Variants in RSRC1 observed in about 807,000 individuals in gnomAD.
RSRC1 encodes the protein serine/Arginine-related protein 53.
In RSRC1, 39 loss-of-function variants were observed where a neutral mutation model predicts 49.1. The ratio of observed to expected loss-of-function variants is 0.79; its 90% CI spans 0.61 to 1.04. The LOEUF is 1.04. Among genes scored for constraint, RSRC1 ranks in the 50% least tolerant of loss-of-function variants. The probability of loss-of-function intolerance (pLI) is 0.00; values close to 1 mark genes in which losing one functional copy is unlikely to be tolerated. For synonymous variants in RSRC1, 143 were observed against 130.8 expected, an observed-to-expected ratio of 1.09 and a Z score of -0.63; for missense variants, 388 against 402.4, an observed-to-expected ratio of 0.96 and a Z score of 0.31.
chr3:158,476,459 CAG>C (rs1738372507), intron 7 of RSRC1, among the ~76,000 whole-genome samples: 1 of 152,102 alleles, frequency 6.6e-6, no homozygotes, highest in African/African-American at 2.4e-5. Flanking sequence ...TGACTCTTGT[CAG>C]GGGCTAATGC....
intron 7 of RSRC1, among the ~76,000 whole-genome samples, chr3:158,516,352 G>A (rs370171209): frequency 1.3e-5 from 2 of 149,764 alleles, no homozygotes; most frequent in African/African-American, 4.9e-5. Context: ...TGGAGTACCC[G>A]GCCGTGTGAG....
intron 5 of RSRC1, among the ~76,000 whole-genome samples, chr3:158,314,482 A>G (rs1983469): frequency 0.44 from 66,734 of 151,618 alleles, 15,025 homozygotes; most frequent in East Asian, 0.64. Flanking sequence ...AAAATATGCT[A>G]AACAGTTAAA....
intron 5 of RSRC1, among the ~76,000 whole-genome samples, chr3:158,318,188 G>C (rs1389770361): frequency 1.3e-5 from 2 of 152,052 alleles, no homozygotes; most frequent in African/African-American, 2.4e-5. Flanking sequence ...AGCATATCCA[G>C]GGGCTCCCAG....
At chr3:158,362,574 A>G (rs1731537765) in intron 6 of RSRC1, among the ~76,000 whole-genome samples, 1 of 152,230 alleles carries the variant, frequency 6.6e-6, no homozygotes. Flanking sequence ...TAGCTTCAAA[A>G]GCAGAAGATA....
intron 6 of RSRC1, among the ~76,000 whole-genome samples, chr3:158,362,974 GAA>G (rs1335422500): frequency 6.6e-6 from 1 of 152,084 alleles, no homozygotes; most frequent in Non-Finnish European, 1.5e-5. Flanking sequence ...AATGTTATAA[GAA>G]AAGATAGAAA....
intron 4 of RSRC1, among the ~76,000 whole-genome samples, chr3:158,239,872 G>T (rs1005949720): frequency 6.6e-6 from 1 of 152,110 alleles, no homozygotes; most frequent in Non-Finnish European, 1.5e-5. Flanking sequence ...AAGAATAATA[G>T]AAATTTTTAG....
At chr3:158,179,700 A>G (rs1234816649) in intron 3 of RSRC1, among the ~76,000 whole-genome samples, 1 of 152,150 alleles carries the variant, frequency 6.6e-6, no homozygotes, top group Admixed American at 6.5e-5. Flanking sequence ...ATGATAATGC[A>G]TGTATAGGTT....
chr3:158,498,653 G>A (rs1259939073), intron 7 of RSRC1, among the ~76,000 whole-genome samples: 3 of 152,154 alleles, frequency 2.0e-5, no homozygotes, highest in Non-Finnish European at 4.4e-5. Context: ...CTAAACCAAC[G>A]TCTAGAAGGG....
At chr3:158,194,102 C>CACAG (rs1553767155) in intron 3 of RSRC1, among the ~76,000 whole-genome samples, 1 of 143,018 alleles carries the variant, frequency 7.0e-6, no homozygotes, top group Non-Finnish European at 1.5e-5. Context: ...CACACACACA[C>CACAG]AGAAAAGAAA....
At chr3:158,502,634 C>A (rs562555845) in intron 7 of RSRC1, among the ~76,000 whole-genome samples, 1 of 152,188 alleles carries the variant, frequency 6.6e-6, no homozygotes, top group African/African-American at 2.4e-5. Flanking sequence ...GAATTTCTTT[C>A]TTCTCCTTGT....
intron 4 of RSRC1, among the ~76,000 whole-genome samples, chr3:158,257,066 A>G (rs971440185): frequency 6.6e-6 from 1 of 151,724 alleles, no homozygotes; most frequent in African/African-American, 2.4e-5. Context: ...TTGTGTCTCT[A>G]TCTCCTTTGG....
At chr3:158,203,884 AGT>A (rs1197652208) in intron 4 of RSRC1, among the ~76,000 whole-genome samples, 2 of 152,186 alleles carry the variant, frequency 1.3e-5, no homozygotes, top group Non-Finnish European at 2.9e-5. Context: ...TCCACTCATA[AGT>A]GTTTGTCAAA....
intron 6 of RSRC1, among the ~76,000 whole-genome samples, chr3:158,364,557 ATAC>A (rs1731652167): frequency 6.6e-6 from 1 of 152,128 alleles, no homozygotes. Flanking sequence ...TAAAACAGAG[ATAC>A]TAATAGTACA....
intron 3 of RSRC1, among the ~76,000 whole-genome samples, chr3:158,149,187 T>C (rs762444474): frequency 6.6e-6 from 1 of 152,256 alleles, no homozygotes; most frequent in Non-Finnish European, 1.5e-5. Context: ...AGTTTCTTTT[T>C]ACTCTTAAGT....
At chr3:158,439,041 C>G (rs1736222314) in intron 6 of RSRC1, among the ~76,000 whole-genome samples, 1 of 152,144 alleles carries the variant, frequency 6.6e-6, no homozygotes, top group Admixed American at 6.5e-5. Flanking sequence ...GACATTTATG[C>G]AGCCAAAAGA....
intron 6 of RSRC1, among the ~76,000 whole-genome samples, chr3:158,414,403 G>A (rs945090625): frequency 6.6e-6 from 1 of 152,036 alleles, no homozygotes; most frequent in Non-Finnish European, 1.5e-5. Context: ...CCTGTCGGGG[G>A]TCAGGGAGAA....
intron 6 of RSRC1, among the ~76,000 whole-genome samples, chr3:158,436,007 A>G (rs1736022658): frequency 6.6e-6 from 1 of 151,874 alleles, no homozygotes; most frequent in African/African-American, 2.4e-5. Context: ...CTTGTCTTAA[A>G]TGTTTCTAAA....
At chr3:158,427,704 A>G (rs1238275157) in intron 6 of RSRC1, among the ~76,000 whole-genome samples, 2 of 151,682 alleles carry the variant, frequency 1.3e-5, no homozygotes, top group Admixed American at 6.6e-5. Context: ...TCATATGTTT[A>G]TATCACATAA....
chr3:158,177,994 A>G (rs1412307502), intron 3 of RSRC1, among the ~76,000 whole-genome samples: 1 of 152,084 alleles, frequency 6.6e-6, no homozygotes, highest in Non-Finnish European at 1.5e-5. Flanking sequence ...GAGTTTGTCA[A>G]TTCACTTTTT....
Sources: allele counts gnomAD v4.1 joint callset (sites outside exome capture counted in the v4.1 genomes callset), GRCh38; gene constraint gnomAD v4.1.1; transcripts MANE v1.5; gene names NCBI Gene and HGNC (gene_info 2026-07-23, HGNC 2026-07-21).